PRKG2: variants seen among roughly 807,000 people sequenced by gnomAD.
The protein encoded by PRKG2 is cGMP-dependent protein kinase 2.
In PRKG2, 33 loss-of-function variants were observed where a neutral mutation model predicts 97.2. The observed-to-expected ratio is 0.34, with a 90% CI of 0.26 to 0.45. The LOEUF (loss-of-function observed/expected upper bound fraction) is 0.45, where lower values mean the gene tolerates loss of function less well. Among genes scored for constraint, PRKG2 ranks in the 20% least tolerant of loss-of-function variants. The pLI, the probability that PRKG2 is intolerant of heterozygous loss-of-function variation, is 1.00. For synonymous variants in PRKG2, 330 were observed against 321.8 expected (o/e 1.03, Z -0.27); for missense variants, 638 against 900.0 (o/e 0.71, Z 3.73).
intron 6 of PRKG2, among the ~76,000 whole-genome samples, chr4:81,160,661 A>G (rs1020914411): frequency 4.6e-5 from 7 of 152,354 alleles, no homozygotes; most frequent in Middle Eastern, 3.4e-3. Flanking sequence ...ATTTGTCATC[A>G]TAAAACATTG....
chr4:81,092,667 G>T (rs926885940), intron 17 of PRKG2, among the ~76,000 whole-genome samples: 1 of 152,102 alleles, frequency 6.6e-6, no homozygotes, highest in Admixed American at 6.6e-5. Context: ...ACAGGCTAAG[G>T]TCTACAATTC....
At chr4:81,197,743 A>G (rs964581762) in intron 2 of PRKG2, among the ~76,000 whole-genome samples, 1 of 152,168 alleles carries the variant, frequency 6.6e-6, no homozygotes, top group African/African-American at 2.4e-5. Context: ...TGAGAATGAG[A>G]GAAGATTAGG....
At position 81,142,848 on chromosome 4, in the gene PRKG2, C is replaced by G; in HGVS notation, c.1353G>C (p.Gln451His). ...VARFSSSSPF[Q>H]NLEIIATLGV... The stretch of plus-strand genomic sequence containing the variant: ...CCAGTGTTGCAATAATCTCAAGGTT[C>G]TGGAATGGGGATGATGAGGAAAATC... The change falls in exon 11 of 19, where the codon CAG becomes CAC. Residue 451 changes from glutamine to histidine, a missense_variant. Around this residue, in one of 3 missense-constraint regions of PRKG2, gnomAD observed 304 missense variants for 460.5 expected, o/e 0.66. Coordinates refer to ENST00000264399, the MANE Select transcript of PRKG2 (RefSeq NM_006259.3). 1 of 1,613,080 alleles carries G rather than the reference C, an allele frequency of 6.2e-7. No homozygotes were observed. Among genetic ancestry groups the G allele is most frequent in the Non-Finnish European group, 8.5e-7 (1 of 1,179,344 alleles).
intron 14 of PRKG2, among the ~76,000 whole-genome samples, chr4:81,115,742 C>T (rs1744449758): frequency 6.6e-6 from 1 of 152,086 alleles, no homozygotes; most frequent in Admixed American, 6.5e-5. Flanking sequence ...CACAACTAAC[C>T]AGAAAGAAGT....
chr4:81,128,296 T>G (rs1459766998), intron 14 of PRKG2, among the ~76,000 whole-genome samples: 1 of 152,132 alleles, frequency 6.6e-6, no homozygotes, highest in African/African-American at 2.4e-5. Flanking sequence ...AATTTTCTGT[T>G]TTTGTTGTGT....
At chr4:81,188,678 G>C (rs1752129133) in intron 2 of PRKG2, among the ~76,000 whole-genome samples, 1 of 124,342 alleles carries the variant, frequency 8.0e-6, no homozygotes, top group African/African-American at 4.7e-5. Flanking sequence ...ATACACCATG[G>C]AATACTATGC....
At chr4:81,166,927 A>C (rs993476953) in intron 6 of PRKG2, among the ~76,000 whole-genome samples, 2 of 152,148 alleles carry the variant, frequency 1.3e-5, no homozygotes, top group African/African-American at 4.8e-5. Flanking sequence ...TATGTAAATC[A>C]AATTTCACTT....
chr4:81,091,826 A>G (rs1741566003), intron 18 of PRKG2, among the ~76,000 whole-genome samples: 1 of 152,188 alleles, frequency 6.6e-6, no homozygotes. Context: ...GCACTATCCA[A>G]TAACAAAACC....
intron 14 of PRKG2, among the ~76,000 whole-genome samples, chr4:81,122,648 G>T (rs979703429): frequency 1.3e-5 from 2 of 151,936 alleles, no homozygotes; most frequent in Non-Finnish European, 2.9e-5. Context: ...TTCCTCTGCT[G>T]AAAAAACAAA....
intron 5 of PRKG2, among the ~76,000 whole-genome samples, chr4:81,167,832 A>G (rs578094092): frequency 2.0e-5 from 3 of 151,486 alleles, no homozygotes; most frequent in Non-Finnish European, 4.4e-5. Context: ...AATGATCACT[A>G]AACTTCAGAA....
chr4:81,210,719 T>C (rs1310202639), intron 1 of PRKG2, among the ~76,000 whole-genome samples: 1 of 152,178 alleles, frequency 6.6e-6, no homozygotes, highest in African/African-American at 2.4e-5. Flanking sequence ...CCAACTGATA[T>C]GAGACATATG....
intron 17 of PRKG2, among the ~76,000 whole-genome samples, chr4:81,099,637 C>T (rs1019026151): frequency 6.6e-6 from 1 of 152,102 alleles, no homozygotes. Flanking sequence ...GAAGCATTCC[C>T]TCTGAAAACT....
intron 12 of PRKG2, among the ~76,000 whole-genome samples, chr4:81,138,889 C>A (rs893139428): frequency 6.6e-6 from 1 of 152,156 alleles, no homozygotes; most frequent in African/African-American, 2.4e-5. Flanking sequence ...ATTGCCAGCA[C>A]TGCCTGGGTT....
Position 81,140,524 on chromosome 4 carries a change from G to A in PRKG2, c.1544+9C>T, listed in dbSNP as rs1376807973. 1.9e-6 allele frequency: 3 copies of A among 1,566,882 alleles called. No homozygotes were observed. Among genetic ancestry groups the A allele is most frequent in the East Asian group, 2.2e-5 (1 of 44,446 alleles). ...ATCCTAACTCCTTGGAAGCCAAGTG[G>A]TCACTTACTTCACAATGAATGGAGA... is the stretch of plus-strand genomic sequence containing the variant. On this transcript the variant is annotated intron_variant, in intron 12 of 18. Coordinates refer to ENST00000264399, the MANE Select transcript of PRKG2 (RefSeq NM_006259.3).
intron 17 of PRKG2, among the ~76,000 whole-genome samples, chr4:81,096,801 T>C (rs1377922901): frequency 6.6e-6 from 1 of 152,202 alleles, no homozygotes; most frequent in African/African-American, 2.4e-5. Context: ...TCTAGTTCTA[T>C]TGATATTTCT....
At chr4:81,164,600 C>T (rs1048598031) in intron 6 of PRKG2, among the ~76,000 whole-genome samples, 8 of 152,122 alleles carry the variant, frequency 5.3e-5, no homozygotes, top group African/African-American at 1.2e-4. Context: ...GCTTCTTAGA[C>T]TTTAATAAGC....
chr4:81,105,296 C>T (rs1290142255), intron 16 of PRKG2, among the ~76,000 whole-genome samples: 1 of 152,118 alleles, frequency 6.6e-6, no homozygotes, highest in Non-Finnish European at 1.5e-5. Context: ...CCTTCAGCCT[C>T]CCCTCTCCCT....
intron 1 of PRKG2, among the ~76,000 whole-genome samples, chr4:81,206,247 T>G (rs1354570488): frequency 6.6e-6 from 1 of 152,218 alleles, no homozygotes; most frequent in East Asian, 1.9e-4. Context: ...ACATGCAGTT[T>G]TTGACAGCTG....
rs778297405 is a variant in PRKG2, at chr4:81,137,440, A to T, written c.1587T>A (p.Leu529=). 6.2e-7 allele frequency: 1 copy of T among 1,612,818 alleles called. No individual in the cohort carries two copies. The highest frequency in any genetic ancestry group is 1.3e-5 in the African/African-American group (1 of 74,874). Residue 529 remains leucine, a synonymous_variant, in exon 13 of 19, where the codon CTT becomes CTA. Coordinates refer to ENST00000264399, the MANE Select transcript of PRKG2 (RefSeq NM_006259.3). ...TFKDNKYVYM[L]LEACLGGELW... ...GCTCCCCACCTAAGCAGGCCTCCAG[A>T]AGCATGTATACATACTTATTGTCCT...
Sources: gnomAD v4.1 joint callset for allele counts (sites outside exome capture counted in the v4.1 genomes callset) on GRCh38, gnomAD v4.1.1 for gene constraint, gnomAD v4.1.1 regional missense constraint, MANE v1.5 for transcripts, NCBI Gene and HGNC (gene_info 2026-07-23, HGNC 2026-07-21) for gene names.